BBX: variants seen among roughly 807,000 people sequenced by gnomAD.
BBX encodes HMG box transcription factor BBX.
A neutral mutation model predicts 100.2 loss-of-function variants in BBX; 30 were observed. The ratio of observed to expected loss-of-function variants is 0.30; its 90% CI spans 0.22 to 0.41. The LOEUF is 0.41. BBX is among the 10% of genes least tolerant of loss of function. BBX has a pLI of 1.00. For missense variants in BBX, 1,023 were observed against 1,129.8 expected (o/e 0.91, Z 1.35); for synonymous variants, 376 against 388.1 (o/e 0.97, Z 0.37).
intron 8 of BBX, among the ~76,000 whole-genome samples, chr3:107,745,627 A>AT (rs967914314): frequency 1.6e-4 from 23 of 147,886 alleles, no homozygotes; most frequent in Non-Finnish European, 2.3e-4. Context: ...TGCCCAACTA[A>AT]TTTTTTTTTT....
intron 3 of BBX, among the ~76,000 whole-genome samples, chr3:107,705,281 C>T (rs2061329774): frequency 6.6e-6 from 1 of 152,148 alleles, no homozygotes; most frequent in Non-Finnish European, 1.5e-5. Context: ...CTCCCATACT[C>T]TCCTGTTTCA....
At chr3:107,530,405 CAAAA>C (rs940915793) in intron 2 of BBX, among the ~76,000 whole-genome samples, 1 of 151,684 alleles carries the variant, frequency 6.6e-6, no homozygotes, top group African/African-American at 2.4e-5. Context: ...CAAAACAAAA[CAAAA>C]CAAAACAAAA....
chr3:107,685,332 G>A (rs569810674), intron 3 of BBX, among the ~76,000 whole-genome samples: 1 of 152,312 alleles, frequency 6.6e-6, no homozygotes, highest in South Asian at 2.1e-4. Flanking sequence ...TTAATCAGGT[G>A]TTTGGTATAA....
intron 2 of BBX, among the ~76,000 whole-genome samples, chr3:107,644,350 C>T (rs1051442761): frequency 6.6e-6 from 1 of 152,082 alleles, no homozygotes; most frequent in South Asian, 2.1e-4. Context: ...CCAATTTTGG[C>T]AGTACAAATT....
chr3:107,706,071 G>A (rs1182850394), intron 3 of BBX, among the ~76,000 whole-genome samples: 2 of 141,820 alleles, frequency 1.4e-5, no homozygotes, highest in African/African-American at 2.6e-5. Flanking sequence ...TAGCCAGACT[G>A]GAGTGCAGTG....
At chr3:107,695,266 TAG>T (rs1399401324) in intron 3 of BBX, among the ~76,000 whole-genome samples, 1 of 96,990 alleles carries the variant, frequency 1.0e-5, no homozygotes, top group Non-Finnish European at 1.9e-5. Flanking sequence ...CTTGCTTTTC[TAG>T]TTCTTTTAAT....
At chr3:107,637,994 G>T (rs934815546) in intron 2 of BBX, among the ~76,000 whole-genome samples, 7 of 151,980 alleles carry the variant, frequency 4.6e-5, no homozygotes, top group African/African-American at 1.7e-4. Context: ...GCTCCCGGCA[G>T]CCTTGAACTC....
Position 107,662,791 on chromosome 3 carries a change from C to T in BBX, c.-10+16882C>T, listed in dbSNP as rs530234465. ...GCTGTACTAGCTTTTAAACGTTGGGCAATCTACTTCACAATGCTGAATCTC... is the reference window on the plus strand; with the variant it reads ...GCTGTACTAGCTTTTAAACGTTGGGTAATCTACTTCACAATGCTGAATCTC... On this transcript the variant is annotated intron_variant, in intron 3 of 17. Coordinates refer to ENST00000325805, the MANE Select transcript of BBX (RefSeq NM_001142568.3). 5.3e-5 allele frequency: 8 copies of T among 152,104 alleles called. No homozygotes were observed. The South Asian group carries it at 1.7e-3, about 32-fold the overall frequency. 9.4% of individuals were successfully genotyped at this position (152,104 alleles called of 1,614,324 possible).
chr3:107,606,094 T>G (rs1373787783), intron 2 of BBX, among the ~76,000 whole-genome samples: 1 of 152,222 alleles, frequency 6.6e-6, no homozygotes, highest in African/African-American at 2.4e-5. Flanking sequence ...TAAAAATTGA[T>G]TTTAAATAGT....
chr3:107,694,711 A>C (rs2060451575), intron 3 of BBX, among the ~76,000 whole-genome samples: 1 of 151,348 alleles, frequency 6.6e-6, no homozygotes, highest in South Asian at 2.1e-4. Flanking sequence ...TGGCCTCATA[A>C]AATGAGTTAG....
chr3:107,633,900 CT>C (rs2056698585), intron 2 of BBX, among the ~76,000 whole-genome samples: 1 of 152,202 alleles, frequency 6.6e-6, no homozygotes, highest in Non-Finnish European at 1.5e-5. Flanking sequence ...AACAGGGTTT[CT>C]TAGCCCCTCT....
intron 4 of BBX, 154 bp from the exon 5 acceptor site, chr3:107,716,453 G>C (rs752367391): frequency 1.1e-6 from 1 of 891,536 alleles, no homozygotes; most frequent in Non-Finnish European, 1.7e-6. Flanking sequence ...ACCATGAACA[G>C]TGGTTGTTGA....
chr3:107,526,291 T>G, intron 1 of BBX, 36 bp from the exon 2 acceptor site: 1 of 398,652 alleles, frequency 2.5e-6, no homozygotes, highest in Non-Finnish European at 4.4e-6. Context: ...AAAGCCCTAC[T>G]ATACTGATGA....
At chr3:107,731,490 TAGTTGA>T (rs1194837905) in intron 6 of BBX, among the ~76,000 whole-genome samples, 8 of 152,178 alleles carry the variant, frequency 5.3e-5, no homozygotes, top group Non-Finnish European at 8.8e-5. Flanking sequence ...ACTTAGCATT[TAGTTGA>T]AGTTGGAGTC....
intron 3 of BBX, among the ~76,000 whole-genome samples, chr3:107,704,738 C>T (rs537996245): frequency 6.6e-6 from 1 of 152,184 alleles, no homozygotes; most frequent in East Asian, 1.9e-4. Flanking sequence ...CTTCCCAACA[C>T]TGTTACTCTG....
chr3:107,538,124 A>G (rs766826345), intron 2 of BBX, among the ~76,000 whole-genome samples: 2 of 152,214 alleles, frequency 1.3e-5, no homozygotes, highest in Non-Finnish European at 2.9e-5. Context: ...GTATGTGGAC[A>G]TGCATTCTTA....
At chr3:107,745,647 T>G (rs1297768647) in intron 8 of BBX, among the ~76,000 whole-genome samples, 1 of 151,860 alleles carries the variant, frequency 6.6e-6, no homozygotes, top group African/African-American at 2.4e-5. Flanking sequence ...TTAAACAGGG[T>G]CTCACTATGT....
chr3:107,583,650 G>A (rs1373262007), intron 2 of BBX, among the ~76,000 whole-genome samples: 1 of 150,868 alleles, frequency 6.6e-6, no homozygotes, highest in Admixed American at 6.6e-5. Context: ...TTTCTCTGAT[G>A]TATTATCCAG....
chr3:107,676,403 T>C (rs2059281702), intron 3 of BBX, among the ~76,000 whole-genome samples: 1 of 152,174 alleles, frequency 6.6e-6, no homozygotes, highest in African/African-American at 2.4e-5. Context: ...CCTTTACAGC[T>C]GTGTACATGT....
Sources: gnomAD v4.1 joint callset for allele counts (sites outside exome capture counted in the v4.1 genomes callset) on GRCh38, gnomAD v4.1.1 for gene constraint, MANE v1.5 for transcripts, NCBI Gene and HGNC (gene_info 2026-07-23, HGNC 2026-07-21) for gene names.